Variants in LAMA1 observed in about 807,000 individuals in gnomAD.
LAMA1 encodes laminin subunit alpha 1.
Under a neutral mutation model 348.7 loss-of-function variants are expected in LAMA1, and 219 were observed. That is an observed-to-expected ratio of 0.63 (90% CI 0.56 to 0.70). The LOEUF (loss-of-function observed/expected upper bound fraction) is 0.70. Among genes scored for constraint, LAMA1 ranks in the 30% least tolerant of loss-of-function variants. The probability of loss-of-function intolerance (pLI) is 0.00; values close to 1 mark genes in which losing one functional copy is unlikely to be tolerated. For missense variants in LAMA1, 3,744 were observed against 3,888.0 expected, an observed-to-expected ratio of 0.96 and a Z score of 0.99; for synonymous variants, 1,487 against 1,491.0, an observed-to-expected ratio of 1.00 and a Z score of 0.06.
At chr18:7,041,102 T>C (rs1369964197) in intron 9 of LAMA1, among the ~76,000 whole-genome samples, 1 of 152,076 alleles carries the variant, frequency 6.6e-6, no homozygotes, top group Non-Finnish European at 1.5e-5. Context: ...AAACAATGAA[T>C]TGTAGACTTC....
At position 6,973,148 on chromosome 18, in the gene LAMA1, G is replaced by C. The variant is rs374082294; in HGVS notation, c.6683C>G (p.Thr2228Arg). The C allele has an allele frequency of 6.2e-7, 1 of 1,613,938 alleles. No homozygotes were observed. Among genetic ancestry groups the C allele is most frequent in the Non-Finnish European group, 8.5e-7 (1 of 1,179,894 alleles). Residue 2228 changes from threonine (T) to arginine (R), a missense_variant, in exon 47 of 63, where the codon ACA becomes AGA. By Grantham distance (71) the Thr-to-Arg change is moderately conservative. Coordinates refer to ENST00000389658, the MANE Select transcript of LAMA1 (RefSeq NM_005559.4). ...KEMSSNQKSP[T>R]KTSKSPGTAN... is the part of the protein sequence containing the mutation. ...TGTCCCAGGGGATTTACTTGTTTTT[G>C]TTGGTGACTTTTGATTTGAGCTCAT...
intron 57 of LAMA1, chr18:6,953,709 A>C (rs547274347): frequency 6.4e-4 from 98 of 152,336 alleles, no homozygotes; most frequent in African/African-American, 2.2e-3. Flanking sequence ...TCATAGGAGA[A>C]TTATGAGGAG....
At chr18:7,041,185 A>G (rs893456547) in intron 9 of LAMA1, among the ~76,000 whole-genome samples, 1 of 151,616 alleles carries the variant, frequency 6.6e-6, no homozygotes, top group African/African-American at 2.4e-5. Flanking sequence ...GGCAAGTGGC[A>G]GAGAGCAGCA....
chr18:7,013,684 A>G (rs1864896806), intron 23 of LAMA1, 131 bp downstream of exon 23: 2 of 802,748 alleles, frequency 2.5e-6, no homozygotes, highest in Non-Finnish European at 4.3e-6. Flanking sequence ...CTTTGAACTC[A>G]GATGCGGAAG....
In LAMA1 at chr18:6,959,391, AC is replaced by A. The variant is rs2144002421; in HGVS notation, c.7727del (p.Gly2576ValfsTer32). The A allele has an allele frequency of 6.2e-7, 1 of 1,614,152 alleles. No individual in the cohort carries two copies. The highest frequency in any genetic ancestry group is 2.2e-5 in the East Asian group (1 of 44,878). The stretch of plus-strand genomic sequence containing the variant: ...AATGCGCTTGTCCATCACTGCAGGT[AC>A]CCGTGGGAGCGTGCAGGAGAGCTTT... ...LRKALLHAPTGTCSDGQAHSI... is the reference protein window; with the variant it reads ...LRKALLHAPTXTCSDGQAHSI... On this transcript the variant is annotated frameshift_variant, in exon 54 of 63. Coordinates refer to ENST00000389658, the MANE Select transcript of LAMA1 (RefSeq NM_005559.4). LOFTEE classifies it high-confidence loss of function.
intron 3 of LAMA1, among the ~76,000 whole-genome samples, chr18:7,067,819 G>C (rs2058129092): frequency 6.6e-6 from 1 of 151,138 alleles, no homozygotes; most frequent in Non-Finnish European, 1.5e-5. Flanking sequence ...TCTTCCTTCT[G>C]TATTCCTGCC....
chr18:6,999,799 A>G, intron 31 of LAMA1, 112 bp downstream of exon 31: 1 of 1,224,732 alleles, frequency 8.2e-7, no homozygotes, highest in Non-Finnish European at 1.2e-6. Context: ...AATCAAGCAC[A>G]TCCAAACTGA....
intron 1 of LAMA1, among the ~76,000 whole-genome samples, chr18:7,094,775 T>C (rs1037312241): frequency 6.6e-6 from 1 of 152,172 alleles, no homozygotes; most frequent in Non-Finnish European, 1.5e-5. Context: ...GGGAAATCTA[T>C]TAAGTCAAAC....
intron 48 of LAMA1, among the ~76,000 whole-genome samples, chr18:6,967,902 A>C (rs578712): frequency 0.99 from 150,234 of 152,208 alleles, 74,154 homozygotes; most frequent in East Asian, 1. Flanking sequence ...TTCTCTCCCC[A>C]AACAGGGCCT....
At chr18:7,094,348 C>T (rs2058251783) in intron 1 of LAMA1, among the ~76,000 whole-genome samples, 1 of 149,132 alleles carries the variant, frequency 6.7e-6, no homozygotes, top group South Asian at 2.1e-4. Flanking sequence ...GGCCTGAACC[C>T]AGGAGGCGGA....
At chr18:7,058,564 A>C (rs75355776) in intron 3 of LAMA1, among the ~76,000 whole-genome samples, 2,366 of 152,160 alleles carry the variant, frequency 0.016, 63 homozygotes, top group African/African-American at 0.054. Context: ...AAATGAGGGC[A>C]TTGTAGTGGG....
chr18:7,068,634 T>A (rs1459300423), intron 3 of LAMA1, among the ~76,000 whole-genome samples: 1 of 152,194 alleles, frequency 6.6e-6, no homozygotes, highest in African/African-American at 2.4e-5. Context: ...TAAAGGAAGT[T>A]CTGTGTAGAG....
In LAMA1 at chr18:7,026,079, G is replaced by T; in HGVS notation, c.2302C>A (p.His768Asn). ...IACAHNTTGV[H>N]CEQCLPGFYG... Reference sequence around the variant, plus strand: ...AAGCCGGGCAAGCACTGCTCACAGTGGACGCCGGTGGTGTTGTGCGCACAC... The same window carrying T: ...AAGCCGGGCAAGCACTGCTCACAGTTGACGCCGGTGGTGTTGTGCGCACAC... The change falls in exon 17 of 63, where the codon CAC becomes AAC. Residue 768 changes from histidine (H) to asparagine (N), a missense_variant. This residue lies in a region of LAMA1 where 1,529 missense variants were observed against 1,689.4 expected (regional missense o/e 0.91). Transcript: ENST00000389658. 1.2e-6 allele frequency: 2 copies of T among 1,611,408 alleles called. No individual in the cohort carries two copies. Among genetic ancestry groups the T allele is most frequent in the South Asian group, 2.2e-5 (2 of 90,448 alleles).
chr18:7,018,091 T>C (rs966981995), intron 19 of LAMA1, among the ~76,000 whole-genome samples: 1 of 151,940 alleles, frequency 6.6e-6, no homozygotes, highest in South Asian at 2.1e-4. Context: ...ATCCCAGCAC[T>C]TTGGGAGGAC....
intron 60 of LAMA1, among the ~76,000 whole-genome samples, chr18:6,947,941 G>A (rs778037303): frequency 1.3e-5 from 2 of 152,188 alleles, no homozygotes; most frequent in South Asian, 2.1e-4. Flanking sequence ...AGCAGGGCTG[G>A]AGCCTGAGCC....
chr18:7,094,769 A>G (rs1056042238), intron 1 of LAMA1, among the ~76,000 whole-genome samples: 1 of 152,228 alleles, frequency 6.6e-6, no homozygotes, highest in Non-Finnish European at 1.5e-5. Flanking sequence ...CAACCAGGGA[A>G]ATCTATTAAG....
rs2057859793 is a variant in LAMA1 at position 7,011,398 on chromosome 18, G to A, written c.3589C>T (p.Gln1197Ter). 1.2e-6 allele frequency: 2 copies of A among 1,610,568 alleles called. No homozygotes were observed. Among genetic ancestry groups the A allele is most frequent in the Non-Finnish European group, 1.7e-6 (2 of 1,178,676 alleles). The part of the protein sequence containing the change: ...LRGTTEGVYY[Q>*]APDFLLDAAT... Reference sequence around the variant, plus strand: ...GCATCCAGCAGGAAGTCGGGGGCCTGGTAGTAAACCCCCTCGGTCGTGCCC... The same window carrying A: ...GCATCCAGCAGGAAGTCGGGGGCCTAGTAGTAAACCCCCTCGGTCGTGCCC... The change falls in exon 25 of 63, where the codon CAG (glutamine) becomes TAG (stop). Residue 1197 changes from glutamine to a stop codon, truncating the protein, a stop_gained. Coordinates refer to ENST00000389658, the MANE Select transcript of LAMA1 (RefSeq NM_005559.4). LOFTEE classifies it high-confidence loss of function.
intron 20 of LAMA1, 102 bp from the exon 21 acceptor site, chr18:7,016,773 T>C (rs1257221544): frequency 1.9e-6 from 2 of 1,077,056 alleles, no homozygotes; most frequent in Non-Finnish European, 2.7e-6. Flanking sequence ...TTTCATAGAA[T>C]CATAAAGTAT....
chr18:7,107,571 G>A (rs371392707), intron 1 of LAMA1, among the ~76,000 whole-genome samples: 4 of 152,066 alleles, frequency 2.6e-5, no homozygotes, highest in South Asian at 2.1e-4. Context: ...CTTGACCCAG[G>A]GCCTGGAGGA....
Sources: gnomAD v4.1 joint callset for allele counts (sites outside exome capture counted in the v4.1 genomes callset) on GRCh38, gnomAD v4.1.1 for gene constraint, gnomAD v4.1.1 regional missense constraint, MANE v1.5 for transcripts, NCBI Gene and HGNC (gene_info 2026-07-23, HGNC 2026-07-21) for gene names.